The following CTTNBP2 variants were observed in gnomAD, a reference collection of about 807,000 sequenced individuals.
CTTNBP2 encodes the protein cortactin binding protein 2, also known as cortactin-binding protein 2.
A neutral mutation model predicts 156.9 loss-of-function variants in CTTNBP2; 108 were observed. The ratio of observed to expected loss-of-function variants is 0.69; its 90% CI spans 0.59 to 0.81. The LOEUF (loss-of-function observed/expected upper bound fraction) is 0.81, where lower values mean the gene tolerates loss of function less well. Among genes scored for constraint, CTTNBP2 ranks in the 30% least tolerant of loss-of-function variants. The pLI is 0.00. For missense variants in CTTNBP2, 1,924 were observed against 2,035.4 expected, an observed-to-expected ratio of 0.95 and a Z score of 1.05; for synonymous variants, 767 against 751.8, an observed-to-expected ratio of 1.02 and a Z score of -0.33.
In CTTNBP2 at chr7:117,728,095, G is replaced by C; in HGVS notation, c.4049C>G (p.Thr1350Arg). Residue 1350 changes from threonine (T) to arginine (R), a missense_variant, in exon 17 of 23, where the codon ACA becomes AGA. Coordinates refer to ENST00000160373, the MANE Select transcript of CTTNBP2 (RefSeq NM_033427.3). ...AAGGAAAAATGGCACTTACTTCACT[G>C]TCACTTGGGCATGCCCAGGAACTAC... ...CPVVPGHAQV[T>R]VKWMSKLWNG... 2 of 1,612,320 alleles carry C rather than the reference G, an allele frequency of 1.2e-6. No homozygotes were observed. The highest frequency in any genetic ancestry group is 1.7e-6 in the Non-Finnish European group (2 of 1,179,350).
chr7:117,869,764 C>CAAA (rs1804450530), intron 1 of CTTNBP2, among the ~76,000 whole-genome samples: 2 of 150,736 alleles, frequency 1.3e-5, no homozygotes, highest in African/African-American at 4.9e-5. Flanking sequence ...AAAACTGGGG[C>CAAA]AAACAGAAAT....
intron 19 of CTTNBP2, among the ~76,000 whole-genome samples, chr7:117,722,514 T>C (rs1213196591): frequency 1.3e-5 from 2 of 152,200 alleles, no homozygotes; most frequent in East Asian, 3.8e-4. Flanking sequence ...TGATATCAAA[T>C]AGTTCTAAAA....
intron 8 of CTTNBP2, 36 bp from the exon 9 acceptor site, chr7:117,767,212 A>G (rs1407141179): frequency 8.6e-7 from 1 of 1,168,088 alleles, no homozygotes; most frequent in Admixed American, 1.7e-5. Context: ...TCCAAGTCCA[A>G]ATGAATTAAC....
At chr7:117,829,275 C>T (rs1563049206) in intron 2 of CTTNBP2, among the ~76,000 whole-genome samples, 1 of 152,204 alleles carries the variant, frequency 6.6e-6, no homozygotes. Flanking sequence ...TGTCTCTGTC[C>T]TTTAATGTCC....
At chr7:117,847,379 T>C (rs765702881) in intron 2 of CTTNBP2, among the ~76,000 whole-genome samples, 2 of 152,064 alleles carry the variant, frequency 1.3e-5, no homozygotes, top group Non-Finnish European at 2.9e-5. Flanking sequence ...CTACTAAAAA[T>C]AGAAAACTTA....
chr7:117,809,378 A>G (rs1167196737), intron 3 of CTTNBP2, among the ~76,000 whole-genome samples: 2 of 152,210 alleles, frequency 1.3e-5, no homozygotes, highest in Non-Finnish European at 2.9e-5. Flanking sequence ...GTCCAGCAGA[A>G]ATAATTTATT....
chr7:117,791,561 G>T lies in CTTNBP2; in HGVS notation c.1635C>A (p.Ile545=). Residue 545 remains isoleucine, a synonymous_variant, in exon 4 of 23, where the codon ATC becomes ATA. Transcript: ENST00000160373. The part of the protein sequence containing the change: ...ARVDRGNPPP[I]PPKKPGLSQT... The stretch of plus-strand genomic sequence containing the variant: ...GGGAGAGCCCTGGCTTTTTTGGAGG[G>T]ATAGGAGGAGGATTTCCTCTGTCAA... 6.2e-7 allele frequency: 1 copy of T among 1,614,156 alleles called. No individual in the cohort carries two copies. Among genetic ancestry groups the T allele is most frequent in the Non-Finnish European group, 8.5e-7 (1 of 1,180,022 alleles).
At chr7:117,718,148 G>A (rs1178633004) in intron 21 of CTTNBP2, 29 bp from the exon 22 acceptor site, 2 of 1,377,642 alleles carry the variant, frequency 1.5e-6, no homozygotes, top group Non-Finnish European at 2.1e-6. Flanking sequence ...GCCCGGTCAT[G>A]TCTCCACAGT....
In CTTNBP2 at chr7:117,735,776, A is replaced by C. The variant is rs138203818; in HGVS notation, c.3536-355T>G. ...TGGAAGACTCACAAACAATATATTA[A>C]GAAGCAAATCATAAAAGATTATATA... On this transcript the variant is annotated intron_variant, in intron 14 of 22. Transcript: ENST00000160373. Among the ~76,000 whole-genome samples, 15 of 152,372 alleles carry C rather than the reference A, an allele frequency of 9.8e-5. No homozygotes were observed. The East Asian group carries it at 2.9e-3, about 29-fold the overall frequency.
At chr7:117,777,031 C>A (rs552612318) in intron 8 of CTTNBP2, among the ~76,000 whole-genome samples, 1 of 152,290 alleles carries the variant, frequency 6.6e-6, no homozygotes, top group Non-Finnish European at 1.5e-5. Context: ...TATTCAGAAT[C>A]TTTGTGTATT....
At position 117,774,555 on chromosome 7, in the gene CTTNBP2, T is replaced by C. The variant is rs147770423; in HGVS notation, c.2778+2956A>G. On this transcript the variant is annotated intron_variant, in intron 8 of 22. Coordinates refer to ENST00000160373, the MANE Select transcript of CTTNBP2 (RefSeq NM_033427.3). ...TGTGACCCCTATTGTGAACTACACA[T>C]GCAAGAGATATAGGTTGCATGCTCC... 6.6e-5 allele frequency among the ~76,000 whole-genome samples: 10 copies of C among 152,284 alleles called. No homozygotes were observed. In the East Asian group the frequency reaches 9.7e-4, roughly 15 times the overall value.
chr7:117,829,579 T>A (rs1801483973), intron 2 of CTTNBP2, among the ~76,000 whole-genome samples: 1 of 152,220 alleles, frequency 6.6e-6, no homozygotes, highest in African/African-American at 2.4e-5. Context: ...ACATATGCTC[T>A]AGGAATGAGG....
intron 2 of CTTNBP2, among the ~76,000 whole-genome samples, chr7:117,856,675 A>T (rs1299908020): frequency 6.6e-6 from 1 of 152,226 alleles, no homozygotes; most frequent in Non-Finnish European, 1.5e-5. Flanking sequence ...TTTATGGTCA[A>T]TCTCATTTAT....
chr7:117,827,928 T>C (rs1005947438), intron 2 of CTTNBP2, among the ~76,000 whole-genome samples: 1 of 152,150 alleles, frequency 6.6e-6, no homozygotes, highest in Non-Finnish European at 1.5e-5. Flanking sequence ...GTGGGGGCAG[T>C]TGTTCTCCTG....
At chr7:117,824,490 A>G (rs777268105) in intron 2 of CTTNBP2, among the ~76,000 whole-genome samples, 6 of 152,142 alleles carry the variant, frequency 3.9e-5, no homozygotes, top group Non-Finnish European at 8.8e-5. Context: ...CAATTTTTTA[A>G]CAGTGTTGAT....
chr7:117,754,924 T>C (rs1336456547), intron 12 of CTTNBP2, among the ~76,000 whole-genome samples: 1 of 152,234 alleles, frequency 6.6e-6, no homozygotes, highest in African/African-American at 2.4e-5. Flanking sequence ...AGTTTTATCA[T>C]CTTAATGGAT....
rs150769263 is a variant in CTTNBP2, at chr7:117,791,886, A to G, written c.1310T>C (p.Leu437Ser). 1.9e-6 allele frequency: 3 copies of G among 1,614,024 alleles called. No individual in the cohort carries two copies. Among genetic ancestry groups the G allele is most frequent in the African/African-American group, 2.7e-5 (2 of 74,904 alleles). ...GATTCGTGGGTTTAGACCTGGATGCAAAGAGGTGTTGGCACATGGTGAATG... is the reference window on the plus strand; with the variant it reads ...GATTCGTGGGTTTAGACCTGGATGCGAAGAGGTGTTGGCACATGGTGAATG... ...SLHSPCANTS[L>S]HPGLNPRIQA... The change falls in exon 4 of 23, where the codon TTG becomes TCG. Residue 437 changes from leucine (L) to serine (S), a missense_variant. Coordinates refer to ENST00000160373, the MANE Select transcript of CTTNBP2 (RefSeq NM_033427.3).
rs1012636326 is a variant in CTTNBP2 at position 117,864,995 on chromosome 7, T to C, written c.82-3679A>G. ...ATATTCATATATATTCATATATATATGAAGTGGCATTAATCTTAGATGCAT... is the reference window on the plus strand; with the variant it reads ...ATATTCATATATATTCATATATATACGAAGTGGCATTAATCTTAGATGCAT... On this transcript the variant is annotated intron_variant, in intron 1 of 22. Transcript: ENST00000160373. Among the ~76,000 whole-genome samples the C allele has an allele frequency of 2.0e-5, 3 of 147,828 alleles. No homozygotes were observed. The Admixed American group carries it at 2.0e-4, about 10-fold the overall frequency.
chr7:117,793,796 C>T (rs1247707925), intron 3 of CTTNBP2, among the ~76,000 whole-genome samples: 1 of 152,218 alleles, frequency 6.6e-6, no homozygotes, highest in East Asian at 1.9e-4. Context: ...AGACAGGGAG[C>T]TTTCAAAGCC....
Sources: gnomAD v4.1 joint callset for allele counts (sites outside exome capture counted in the v4.1 genomes callset) on GRCh38, gnomAD v4.1.1 for gene constraint, MANE v1.5 for transcripts, NCBI Gene and HGNC (gene_info 2026-07-23, HGNC 2026-07-21) for gene names.